The following CAMK2D variants were observed in gnomAD, a reference collection of about 807,000 sequenced individuals.
CAMK2D encodes the protein calcium/calmodulin dependent protein kinase II delta.
In CAMK2D, 37 loss-of-function variants were observed where a neutral mutation model predicts 84.0. That is an observed-to-expected ratio of 0.44 (90% CI 0.34 to 0.58). The LOEUF (loss-of-function observed/expected upper bound fraction) is 0.58. Among genes scored for constraint, CAMK2D ranks in the 20% least tolerant of loss-of-function variants. CAMK2D has a pLI of 0.02. For missense variants in CAMK2D, 448 were observed against 652.5 expected (o/e 0.69, Z 3.41); for synonymous variants, 202 against 212.5 (o/e 0.95, Z 0.43).
intron 2 of CAMK2D, among the ~76,000 whole-genome samples, chr4:113,719,332 T>C (rs2099523243): frequency 6.6e-6 from 1 of 152,206 alleles, no homozygotes; most frequent in African/African-American, 2.4e-5. Flanking sequence ...AAGTCCCCTC[T>C]GCTTTAACCC....
intron 6 of CAMK2D, among the ~76,000 whole-genome samples, chr4:113,542,042 A>G (rs1338642574): frequency 6.6e-6 from 1 of 152,184 alleles, no homozygotes; most frequent in Non-Finnish European, 1.5e-5. Context: ...TGCTATGCAT[A>G]TATGAGCAAG....
chr4:113,507,448 T>C (rs1287594811), intron 13 of CAMK2D, among the ~76,000 whole-genome samples: 1 of 149,710 alleles, frequency 6.7e-6, no homozygotes, highest in African/African-American at 2.5e-5. Context: ...TTTTTTTTTT[T>C]AGTAGAGATG....
At chr4:113,718,027 A>G (rs1415301331) in intron 2 of CAMK2D, among the ~76,000 whole-genome samples, 2 of 152,116 alleles carry the variant, frequency 1.3e-5, no homozygotes, top group African/African-American at 4.8e-5. Flanking sequence ...TTATTTTTCA[A>G]GCAGAATAGA....
intron 16 of CAMK2D, among the ~76,000 whole-genome samples, chr4:113,481,738 A>G (rs995059003): frequency 3.9e-5 from 6 of 152,196 alleles, no homozygotes; most frequent in African/African-American, 1.4e-4. Flanking sequence ...CCTGCCTCCC[A>G]AAGTGCTGGG....
intron 2 of CAMK2D, among the ~76,000 whole-genome samples, chr4:113,723,997 C>T (rs1306443325): frequency 3.9e-5 from 6 of 151,926 alleles, no homozygotes; most frequent in Non-Finnish European, 8.8e-5. Context: ...TGTTATATTA[C>T]GTATTACGTT....
At chr4:113,650,466 G>A (rs11934358) in intron 3 of CAMK2D, among the ~76,000 whole-genome samples, 3,540 of 148,106 alleles carry the variant, frequency 0.024, 133 homozygotes, top group African/African-American at 0.085. Flanking sequence ...GCAGTGAGCC[G>A]AGATCGTGAC....
intron 3 of CAMK2D, among the ~76,000 whole-genome samples, chr4:113,641,442 A>G (rs539486459): frequency 6.6e-6 from 1 of 152,334 alleles, no homozygotes; most frequent in African/African-American, 2.4e-5. Context: ...GAGAAAATTA[A>G]ATAAGATAAT....
chr4:113,575,396 T>C (rs952021219), intron 4 of CAMK2D, among the ~76,000 whole-genome samples: 2 of 152,214 alleles, frequency 1.3e-5, no homozygotes, highest in African/African-American at 4.8e-5. Context: ...TCCAAAACTT[T>C]ATTTAATTAA....
At chr4:113,563,080 C>A (rs565636851) in intron 4 of CAMK2D, among the ~76,000 whole-genome samples, 1 of 151,672 alleles carries the variant, frequency 6.6e-6, no homozygotes, top group East Asian at 1.9e-4. Context: ...ATGGTGAAAC[C>A]CTGTCTCTAC....
intron 8 of CAMK2D, among the ~76,000 whole-genome samples, chr4:113,530,383 T>C (rs79882877): frequency 0.036 from 5,509 of 152,298 alleles, 344 homozygotes; most frequent in African/African-American, 0.12. Context: ...TGAGGTCAGG[T>C]GCAGAATTTT....
intron 3 of CAMK2D, among the ~76,000 whole-genome samples, chr4:113,654,097 A>G (rs1225730373): frequency 6.6e-6 from 1 of 152,038 alleles, no homozygotes; most frequent in East Asian, 1.9e-4. Flanking sequence ...TACGTGCTAA[A>G]CGAAGTAATA....
intron 8 of CAMK2D, 146 bp from the exon 9 acceptor site, chr4:113,517,803 C>G (rs1467518782): frequency 3.7e-6 from 2 of 539,432 alleles, no homozygotes; most frequent in Admixed American, 5.7e-5. Flanking sequence ...GTGTTATGAT[C>G]TAGTCTAGAG....
chr4:113,513,151 C>A (rs2098239727), intron 12 of CAMK2D, 177 bp downstream of exon 12: 1 of 984,536 alleles, frequency 1.0e-6, no homozygotes, highest in African/African-American at 1.7e-5. Context: ...CAGACAGCAC[C>A]CAGGTAGACT....
intron 12 of CAMK2D, 96 bp downstream of exon 12, chr4:113,513,232 C>T: frequency 6.4e-7 from 1 of 1,573,326 alleles, no homozygotes; most frequent in Non-Finnish European, 8.6e-7. Context: ...TGAAGTTTTT[C>T]TAATTATTAG....
intron 12 of CAMK2D, among the ~76,000 whole-genome samples, chr4:113,509,974 G>C (rs1253334110): frequency 6.6e-6 from 1 of 152,182 alleles, no homozygotes; most frequent in African/African-American, 2.4e-5. Context: ...AAAGGATACT[G>C]GAACTTTAAC....
In CAMK2D at chr4:113,609,226, G is replaced by GA; in HGVS notation, c.221-21dup. On this transcript the variant is annotated intron_variant, in intron 3 of 20. Coordinates refer to ENST00000511664, the MANE Select transcript of CAMK2D (RefSeq NM_001321571.2). ...GTCGCACTAGAAAAAAATAAGAGAA[G>GA]AAAAATTGTGTTATACCTATTCCAA... The GA allele has an allele frequency of 7.1e-7, 1 of 1,413,150 alleles. No homozygotes were observed. Among genetic ancestry groups the GA allele is most frequent in the Non-Finnish European group, 1.0e-6 (1 of 997,212 alleles). The allele number at this position is 1,413,150 out of a possible 1,614,324, so 87.5% of individuals were successfully genotyped here. A position where few individuals can be genotyped will look rare whatever the true frequency, so the allele number is the denominator to read the frequency against.
chr4:113,709,782 T>TATATATATATATATATATATATAA (rs1561971636), intron 2 of CAMK2D, among the ~76,000 whole-genome samples: 9 of 127,272 alleles, frequency 7.1e-5, no homozygotes, highest in African/African-American at 9.2e-5. Flanking sequence ...TATATATATA[T>TATATATATATATATATATATATAA]GAGAGACTTC....
chr4:113,456,634 C>T (rs1457825280), intron 19 of CAMK2D: 1 of 152,264 alleles, frequency 6.6e-6, no homozygotes, highest in Admixed American at 6.6e-5. Flanking sequence ...GTTTACTACA[C>T]TGTTCATTAA....
chr4:113,574,778 A>G (rs149151590), intron 4 of CAMK2D, among the ~76,000 whole-genome samples: 38 of 152,300 alleles, frequency 2.5e-4, no homozygotes, highest in Non-Finnish European at 4.9e-4. Context: ...TGCTAGGCAT[A>G]TTTGCCAACT....
Sources: gnomAD v4.1 joint callset for allele counts (sites outside exome capture counted in the v4.1 genomes callset) on GRCh38, gnomAD v4.1.1 for gene constraint, MANE v1.5 for transcripts, NCBI Gene and HGNC (gene_info 2026-07-23, HGNC 2026-07-21) for gene names.